CHD7: variants seen among roughly 807,000 people sequenced by gnomAD.
CHD7 encodes ATP-dependent chromatin remodeler CHD7.
In CHD7, 24 loss-of-function variants were observed where a neutral mutation model predicts 307.3. That is an observed-to-expected ratio of 0.08 (90% CI 0.06 to 0.11). The LOEUF is 0.11. Among genes scored for constraint, CHD7 ranks in the 10% least tolerant of loss-of-function variants. CHD7 has a pLI of 1.00. For missense variants in CHD7, 3,106 were observed against 3,727.1 expected, an observed-to-expected ratio of 0.83 and a Z score of 4.34; for synonymous variants, 1,363 against 1,349.9, an observed-to-expected ratio of 1.01 and a Z score of -0.21.
At chr8:60,803,051 C>T (rs1209116900) in intron 6 of CHD7, among the ~76,000 whole-genome samples, 1 of 152,112 alleles carries the variant, frequency 6.6e-6, no homozygotes, top group Non-Finnish European at 1.5e-5. Flanking sequence ...ATTAAATTTC[C>T]CACCTGCTCA....
At chr8:60,848,755 G>C (rs1805321776) in intron 24 of CHD7, among the ~76,000 whole-genome samples, 151 bp downstream of exon 24, 1 of 152,034 alleles carries the variant, frequency 6.6e-6, no homozygotes, top group African/African-American at 2.4e-5. Context: ...TTCGTGCTTG[G>C]GGATGTGATG....
At position 60,851,322 on chromosome 8, in the gene CHD7, A is replaced by G; in HGVS notation, c.5665+3A>G. On this transcript the variant is annotated splice_donor_region_variant and intron_variant, in intron 28 of 37. Coordinates refer to ENST00000423902, the MANE Select transcript of CHD7 (RefSeq NM_017780.4). The stretch of plus-strand genomic sequence containing the variant: ...ATCCATGGAAATACATGCCACAGGT[A>G]AGGTCCCAGAAAAGCTTGTGTAGCC... 2.6e-6 allele frequency: 4 copies of G among 1,557,208 alleles called. No homozygotes were observed. The highest frequency in any genetic ancestry group is 3.5e-6 in the Non-Finnish European group (4 of 1,149,184).
intron 1 of CHD7, among the ~76,000 whole-genome samples, chr8:60,702,166 G>T (rs934037775): frequency 1.3e-5 from 2 of 152,158 alleles, no homozygotes; most frequent in African/African-American, 4.8e-5. Flanking sequence ...AGGATTATAT[G>T]GGGGCAGGTG....
At chr8:60,739,132 C>A (rs567718178) in intron 1 of CHD7, among the ~76,000 whole-genome samples, 1 of 152,338 alleles carries the variant, frequency 6.6e-6, no homozygotes, top group South Asian at 2.1e-4. Flanking sequence ...TCCCTCTGGG[C>A]TCACTTTTAC....
intron 2 of CHD7, among the ~76,000 whole-genome samples, chr8:60,761,291 A>G (rs562805397): frequency 1.0e-4 from 14 of 137,642 alleles, no homozygotes; most frequent in Middle Eastern, 3.8e-3. Context: ...GAATTGAACA[A>G]TGAGAACGCA....
chr8:60,850,660 T>G, intron 26 of CHD7, 38 bp downstream of exon 26: 1 of 1,575,158 alleles, frequency 6.3e-7, no homozygotes, highest in African/African-American at 1.3e-5. Context: ...AAACTTTATG[T>G]CAGTTTCACA....
At chr8:60,862,116 T>TG (rs1806024812) in intron 35 of CHD7, 80 bp from the exon 36 acceptor site, 2 of 1,048,968 alleles carry the variant, frequency 1.9e-6, no homozygotes, top group African/African-American at 3.2e-5. Context: ...GAAGATGATC[T>TG]GACAGTTCTC....
At chr8:60,850,842 C>T (rs1389973636) in intron 26 of CHD7, 190 bp from the exon 27 acceptor site, 16 of 690,192 alleles carry the variant, frequency 2.3e-5, no homozygotes, top group East Asian at 1.6e-4. Flanking sequence ...TGTCATTTCC[C>T]GCAATCTCCC....
intron 2 of CHD7, among the ~76,000 whole-genome samples, chr8:60,767,746 G>A (rs1469449086): frequency 6.6e-6 from 1 of 152,174 alleles, no homozygotes; most frequent in Non-Finnish European, 1.5e-5. Context: ...TGTCCTTTCT[G>A]CTTTCTCTTT....
Position 60,743,121 on chromosome 8 carries a change from C to T in CHD7, c.1665+24C>T, listed in dbSNP as rs763069792. The T allele has an allele frequency of 1.0e-5, 16 of 1,582,738 alleles. No homozygotes were observed. In the Admixed American group the frequency reaches 1.0e-4, roughly 10 times the overall value. On this transcript the variant is annotated intron_variant, in intron 2 of 37. Transcript: ENST00000423902. ...AGGTAAGGGGACACAGAGCCTACCT[C>T]TGCATTGCAGTGTGAAATTCAACAT...
At chr8:60,797,037 A>G (rs1812067277) in intron 4 of CHD7, among the ~76,000 whole-genome samples, 1 of 152,190 alleles carries the variant, frequency 6.6e-6, no homozygotes, top group Non-Finnish European at 1.5e-5. Flanking sequence ...AAAAGTTGAT[A>G]TATTATTTTA....
In CHD7 at chr8:60,852,349, C is replaced by G. The variant is rs118161607; in HGVS notation, c.5894+102C>G. ...GGACTCATATCAAAGGTAGTGACCA[C>G]CAAAGAAAGGCTCGCTCCAACAAAG... is the stretch of plus-strand genomic sequence containing the variant. On this transcript the variant is annotated intron_variant, in intron 29 of 37. Coordinates refer to ENST00000423902, the MANE Select transcript of CHD7 (RefSeq NM_017780.4). 28,609 of 1,322,112 alleles carry G rather than the reference C, an allele frequency of 0.022. 400 individuals carry two copies. The highest frequency in any genetic ancestry group is 0.027 in the Non-Finnish European group (25,695 of 960,720). 81.9% of individuals were successfully genotyped at this position (1,322,112 alleles called of 1,614,324 possible). A position where few individuals can be genotyped will look rare whatever the true frequency, so the allele number is the denominator to read the frequency against.
At chr8:60,848,691 A>C in intron 24 of CHD7, 87 bp downstream of exon 24, 1 of 1,013,196 alleles carries the variant, frequency 9.9e-7, no homozygotes, top group Non-Finnish European at 1.5e-6. Flanking sequence ...CAGAACCTTC[A>C]TAAACCACTA....
At position 60,721,696 on chromosome 8, in the gene CHD7, C is replaced by T. The variant is rs541135417; in HGVS notation, c.-174-19563C>T. On this transcript the variant is annotated intron_variant, in intron 1 of 37. Coordinates refer to ENST00000423902, the MANE Select transcript of CHD7 (RefSeq NM_017780.4). ...AGTTCCCCAGCGGTGCTGATGCTGC[C>T]GATGCTGCCAATGCTGCCAATGCTG... 1.6e-4 allele frequency among the ~76,000 whole-genome samples: 24 copies of T among 152,274 alleles called. No individual in the cohort carries two copies. In the East Asian group the frequency reaches 2.3e-3, roughly 15 times the overall value.
chr8:60,864,987 AGC>A (rs1806171966), intron 37 of CHD7, 27 bp from the exon 38 acceptor site: 1 of 1,554,308 alleles, frequency 6.4e-7, no homozygotes, highest in Admixed American at 1.9e-5. Flanking sequence ...CAGCCTTTAT[AGC>A]CACTGTTTGC....
At chr8:60,810,478 A>T (rs1450003857) in intron 7 of CHD7, among the ~76,000 whole-genome samples, 1 of 152,100 alleles carries the variant, frequency 6.6e-6, no homozygotes, top group Non-Finnish European at 1.5e-5. Flanking sequence ...CTCCAACACA[A>T]CAGCAAAAAC....
At chr8:60,813,428 C>G (rs981150306) in intron 7 of CHD7, among the ~76,000 whole-genome samples, 4 of 152,162 alleles carry the variant, frequency 2.6e-5, no homozygotes, top group Non-Finnish European at 5.9e-5. Flanking sequence ...CTAATAACCT[C>G]AAATACAATA....
intron 23 of CHD7, among the ~76,000 whole-genome samples, chr8:60,847,832 A>C (rs970862987): frequency 1.3e-5 from 2 of 152,296 alleles, no homozygotes; most frequent in African/African-American, 4.8e-5. Flanking sequence ...TAATTTTCTA[A>C]TGTTTAATTT....
intron 2 of CHD7, among the ~76,000 whole-genome samples, chr8:60,760,890 G>T (rs1036313858): frequency 6.6e-6 from 1 of 152,218 alleles, no homozygotes; most frequent in Admixed American, 6.5e-5. Flanking sequence ...TACACTGTTG[G>T]TGGGGCTGTC....
Sources: gnomAD v4.1 joint callset for allele counts (sites outside exome capture counted in the v4.1 genomes callset) on GRCh38, gnomAD v4.1.1 for gene constraint, MANE v1.5 for transcripts, NCBI Gene and HGNC (gene_info 2026-07-23, HGNC 2026-07-21) for gene names.